CTNNA2: variants seen among roughly 807,000 people sequenced by gnomAD.
CTNNA2 encodes catenin alpha-2.
CTNNA2 carries 42 observed loss-of-function variants against 101.0 expected under a neutral mutation model. The observed-to-expected ratio is 0.42, with a 90% confidence interval of 0.32 to 0.54. The LOEUF is 0.54. Among genes scored for constraint, CTNNA2 ranks in the 20% least tolerant of loss-of-function variants. The probability of loss-of-function intolerance (pLI) is 0.14; values close to 1 mark genes in which losing one functional copy is unlikely to be tolerated. For synonymous variants in CTNNA2, 450 were observed against 456.4 expected, an observed-to-expected ratio of 0.99 and a Z score of 0.18; for missense variants, 871 against 1,223.1, an observed-to-expected ratio of 0.71 and a Z score of 4.29.
rs199575969 is a variant in CTNNA2 at position 79,721,068 on chromosome 2, TTA to T, written c.103-23318_103-23317del. On this transcript the variant is annotated intron_variant, in intron 2 of 18. Coordinates refer to ENST00000402739, the MANE Select transcript of CTNNA2 (RefSeq NM_001282597.3). ...CAGAAAAGTATGATTTTTTTTTTTT[TTA>T]AATCACATCATGCTTCTTGTTCAGG... 8.3e-3 allele frequency among the ~76,000 whole-genome samples: 1,207 copies of T among 145,460 alleles called. 5 individuals are homozygous for T. The highest frequency in any genetic ancestry group is 0.029 in the Middle Eastern group (8 of 276).
At chr2:80,321,268 G>T (rs557842281) in intron 7 of CTNNA2, among the ~76,000 whole-genome samples, 1 of 152,268 alleles carries the variant, frequency 6.6e-6, no homozygotes, top group South Asian at 2.1e-4. Context: ...AATTGGAGAG[G>T]CTTTGGAGGT....
intron 7 of CTNNA2, among the ~76,000 whole-genome samples, chr2:80,067,880 CG>C (rs1162826416): frequency 6.6e-6 from 1 of 152,094 alleles, no homozygotes. Context: ...GTGAGTGAGC[CG>C]TCTTGGAAGT....
At chr2:80,117,894 T>C (rs1335077951) in intron 7 of CTNNA2, among the ~76,000 whole-genome samples, 1 of 152,182 alleles carries the variant, frequency 6.6e-6, no homozygotes, top group African/African-American at 2.4e-5. Flanking sequence ...TTACCATCAT[T>C]TTATATATAT....
intron 7 of CTNNA2, among the ~76,000 whole-genome samples, chr2:80,206,586 G>C (rs1406394389): frequency 6.6e-6 from 1 of 152,166 alleles, no homozygotes; most frequent in Non-Finnish European, 1.5e-5. Flanking sequence ...TCTACATATA[G>C]TGCGGGCAGG....
chr2:79,721,633 A>G (rs1686496409), intron 2 of CTNNA2, among the ~76,000 whole-genome samples: 1 of 152,224 alleles, frequency 6.6e-6, no homozygotes, highest in African/African-American at 2.4e-5. Context: ...GCACAAACAC[A>G]CACATACTTA....
intron 3 of CTNNA2, among the ~76,000 whole-genome samples, chr2:79,330,452 G>A (rs964183493): frequency 2.0e-5 from 3 of 152,106 alleles, no homozygotes; most frequent in Non-Finnish European, 4.4e-5. Flanking sequence ...TCCTCTCTGG[G>A]TGGATTCTAA....
chr2:79,683,192 A>G (rs2104653982), intron 2 of CTNNA2, among the ~76,000 whole-genome samples: 1 of 152,262 alleles, frequency 6.6e-6, no homozygotes, highest in Middle Eastern at 3.4e-3. Flanking sequence ...CCCTACCCCT[A>G]CATGCCAGGT....
intron 3 of CTNNA2, among the ~76,000 whole-genome samples, chr2:79,758,614 A>G (rs1456003298): frequency 1.3e-5 from 2 of 152,030 alleles, no homozygotes; most frequent in East Asian, 3.9e-4. Context: ...CTCTTCTAGT[A>G]ATCTCCAGTG....
At chr2:80,354,325 G>T (rs1673579130) in intron 7 of CTNNA2, among the ~76,000 whole-genome samples, 1 of 152,126 alleles carries the variant, frequency 6.6e-6, no homozygotes, top group Non-Finnish European at 1.5e-5. Flanking sequence ...CAGAGGAGAG[G>T]AAGGGGGAGG....
chr2:79,683,298 T>G (rs1355964042), intron 2 of CTNNA2, among the ~76,000 whole-genome samples: 1 of 152,190 alleles, frequency 6.6e-6, no homozygotes, highest in African/African-American at 2.4e-5. Flanking sequence ...TGCTCCATGG[T>G]TTTCCATCTC....
At chr2:80,197,080 C>A (rs1213960357) in intron 7 of CTNNA2, among the ~76,000 whole-genome samples, 2 of 152,198 alleles carry the variant, frequency 1.3e-5, no homozygotes, top group Non-Finnish European at 2.9e-5. Flanking sequence ...TCTTTCAGGT[C>A]TCTGTGAATA....
intron 1 of CTNNA2, among the ~76,000 whole-genome samples, chr2:79,600,086 A>G (rs190807127): frequency 1.9e-3 from 288 of 152,278 alleles, no homozygotes; most frequent in African/African-American, 6.7e-3. Flanking sequence ...TACGCATAAA[A>G]TTTCCTACGC....
intron 12 of CTNNA2, among the ~76,000 whole-genome samples, chr2:80,567,844 ATATTT>A (rs1337087616): frequency 6.6e-6 from 1 of 151,970 alleles, no homozygotes; most frequent in African/African-American, 2.4e-5. Flanking sequence ...CCCTGTCGTG[ATATTT>A]TATGTTATTT....
At chr2:79,202,799 T>TC (rs1306890582) in intron 2 of CTNNA2, among the ~76,000 whole-genome samples, 9 of 152,114 alleles carry the variant, frequency 5.9e-5, no homozygotes, top group Admixed American at 2.0e-4. Context: ...AGCCCAGCCA[T>TC]TGTTCTCACA....
At chr2:80,226,655 C>T (rs756980139) in intron 7 of CTNNA2, among the ~76,000 whole-genome samples, 7 of 152,138 alleles carry the variant, frequency 4.6e-5, no homozygotes, top group Non-Finnish European at 8.8e-5. Context: ...CCTACTTTTT[C>T]CCTCGAGCTT....
rs375701118 is a variant in CTNNA2, at chr2:79,651,691, A to G, written c.102+33A>G. ...ATGCTTTGAAACCACTTTGTTATATATGTGTTTCTATTGTGATTATATCCT... is the reference window on the plus strand; with the variant it reads ...ATGCTTTGAAACCACTTTGTTATATGTGTGTTTCTATTGTGATTATATCCT... On this transcript the variant is annotated intron_variant, in intron 2 of 18. Transcript: ENST00000402739. The G allele has an allele frequency of 8.1e-5, 126 of 1,551,778 alleles. 2 individuals are homozygous for G. Among genetic ancestry groups the G allele is most frequent in the East Asian group, 3.8e-4 (17 of 44,556 alleles).
chr2:79,982,236 A>ATG (rs1691359684), intron 7 of CTNNA2, among the ~76,000 whole-genome samples: 4 of 96,730 alleles, frequency 4.1e-5, no homozygotes, highest in African/African-American at 1.8e-4. Flanking sequence ...ATATATATAT[A>ATG]TATATGTATG....
At chr2:79,681,957 C>A (rs150827554) in intron 2 of CTNNA2, among the ~76,000 whole-genome samples, 3 of 152,118 alleles carry the variant, frequency 2.0e-5, no homozygotes, top group Non-Finnish European at 2.9e-5. Flanking sequence ...CTTCTTCCTA[C>A]GAAGTGGAGT....
intron 3 of CTNNA2, among the ~76,000 whole-genome samples, chr2:79,321,193 AT>A (rs1676614978): frequency 6.6e-6 from 1 of 152,124 alleles, no homozygotes; most frequent in African/African-American, 2.4e-5. Context: ...GATTATTCCC[AT>A]TTTTCAGAAC....
Sources: allele counts gnomAD v4.1 joint callset (sites outside exome capture counted in the v4.1 genomes callset), GRCh38; gene constraint gnomAD v4.1.1; transcripts MANE v1.5; gene names NCBI Gene and HGNC (gene_info 2026-07-23, HGNC 2026-07-21).